CPNE4: variants seen among roughly 807,000 people sequenced by gnomAD.
The protein encoded by CPNE4 is copine-4.
In CPNE4, 25 loss-of-function variants were observed where a neutral mutation model predicts 67.9. The ratio of observed to expected loss-of-function variants is 0.37; its 90% CI spans 0.27 to 0.51. CPNE4 has a LOEUF of 0.51. Ranked by LOEUF, CPNE4 falls within the 20% of genes least tolerant of loss-of-function variation. CPNE4 has a pLI of 0.93. For missense variants in CPNE4, 464 were observed against 690.8 expected, an observed-to-expected ratio of 0.67 and a Z score of 3.68; for synonymous variants, 242 against 244.9, an observed-to-expected ratio of 0.99 and a Z score of 0.11.
chr3:131,535,374 G>T, intron 15 of CPNE4, 45 bp from the exon 16 acceptor site: 1 of 1,575,118 alleles, frequency 6.3e-7, no homozygotes, highest in Non-Finnish European at 8.6e-7. Context: ...TCTGGTCAAG[G>T]AATCAGACTC....
chr3:131,751,536 ATTTTC>A (rs941017378), intron 2 of CPNE4, among the ~76,000 whole-genome samples: 1 of 119,360 alleles, frequency 8.4e-6, no homozygotes, highest in African/African-American at 3.0e-5. Context: ...TTTTCATTTT[ATTTTC>A]TTTTAAGTGT....
intron 2 of CPNE4, among the ~76,000 whole-genome samples, chr3:131,778,499 G>T (rs2083348033): frequency 6.6e-6 from 1 of 152,064 alleles, no homozygotes; most frequent in African/African-American, 2.4e-5. Flanking sequence ...TACCACCACA[G>T]GAAACACATG....
chr3:131,681,688 T>G (rs2080759946), intron 6 of CPNE4, among the ~76,000 whole-genome samples: 1 of 152,196 alleles, frequency 6.6e-6, no homozygotes. Context: ...GGAAGTTCTC[T>G]CTTATTATCC....
At chr3:131,886,609 G>A (rs2087904312) in intron 2 of CPNE4, among the ~76,000 whole-genome samples, 3 of 152,238 alleles carry the variant, frequency 2.0e-5, no homozygotes, top group Non-Finnish European at 4.4e-5. Context: ...GTGCCAGCCT[G>A]TGAAAGCAGC....
intron 7 of CPNE4, among the ~76,000 whole-genome samples, chr3:131,650,675 G>A: frequency 7.2e-6 from 1 of 138,906 alleles, no homozygotes. Flanking sequence ...AACCCGGGAG[G>A]CGGAGCTTGC....
At chr3:131,681,597 A>T (rs926070010) in intron 6 of CPNE4, among the ~76,000 whole-genome samples, 3 of 152,004 alleles carry the variant, frequency 2.0e-5, no homozygotes, top group Non-Finnish European at 4.4e-5. Flanking sequence ...AACTGTCTTG[A>T]AGTCATCTTA....
intron 1 of CPNE4, among the ~76,000 whole-genome samples, chr3:132,002,152 T>G (rs895176622): frequency 6.6e-6 from 1 of 152,150 alleles, no homozygotes; most frequent in African/African-American, 2.4e-5. Flanking sequence ...ATAGCCCCCA[T>G]GTCTGCTTAC....
intron 2 of CPNE4, among the ~76,000 whole-genome samples, chr3:131,830,537 T>C (rs1264313331): frequency 6.6e-6 from 1 of 152,128 alleles, no homozygotes; most frequent in East Asian, 1.9e-4. Flanking sequence ...TGTACTTTCC[T>C]CTACCTACTC....
At chr3:131,941,078 T>C (rs552655682) in intron 1 of CPNE4, among the ~76,000 whole-genome samples, 1 of 152,212 alleles carries the variant, frequency 6.6e-6, no homozygotes, top group African/African-American at 2.4e-5. Flanking sequence ...AATTAATTAT[T>C]TCTTTTTAAT....
At chr3:131,855,065 A>G (rs1434671441) in intron 2 of CPNE4, among the ~76,000 whole-genome samples, 3 of 151,962 alleles carry the variant, frequency 2.0e-5, no homozygotes, top group Non-Finnish European at 2.9e-5. Context: ...GATTCAAGAG[A>G]AAGTATAATA....
intron 1 of CPNE4, among the ~76,000 whole-genome samples, chr3:131,958,427 CTG>C (rs66778131): frequency 0.52 from 78,243 of 151,398 alleles, 21,579 homozygotes; most frequent in Admixed American, 0.67. Flanking sequence ...GATTTGGAAA[CTG>C]TGACTATGGA....
At chr3:131,874,150 G>A (rs1352311838) in intron 2 of CPNE4, among the ~76,000 whole-genome samples, 6 of 150,986 alleles carry the variant, frequency 4.0e-5, no homozygotes, top group Admixed American at 1.3e-4. Context: ...GTGCAGTGGC[G>A]CAATCTCGGC....
chr3:131,829,975 C>T (rs1177281564), intron 2 of CPNE4, among the ~76,000 whole-genome samples: 1 of 152,146 alleles, frequency 6.6e-6, no homozygotes, highest in Non-Finnish European at 1.5e-5. Flanking sequence ...ATGGAAGATT[C>T]TAGCAAGAAG....
chr3:131,748,140 A>C (rs1192594493), intron 2 of CPNE4, among the ~76,000 whole-genome samples: 3 of 152,136 alleles, frequency 2.0e-5, no homozygotes, highest in Non-Finnish European at 4.4e-5. Flanking sequence ...TATTAATGTA[A>C]TATTAACAGG....
intron 2 of CPNE4, among the ~76,000 whole-genome samples, chr3:131,797,535 A>C (rs775858803): frequency 6.6e-6 from 1 of 152,102 alleles, no homozygotes. Flanking sequence ...AAAGGCTAAC[A>C]CTCAGGACAG....
chr3:131,884,071 C>T (rs923975156), intron 2 of CPNE4, among the ~76,000 whole-genome samples: 2 of 152,164 alleles, frequency 1.3e-5, no homozygotes, highest in African/African-American at 4.8e-5. Context: ...CATTGTTTAC[C>T]AATGTGTTAC....
chr3:131,549,243 G>A (rs1936040752), intron 14 of CPNE4, among the ~76,000 whole-genome samples: 2 of 152,064 alleles, frequency 1.3e-5, no homozygotes, highest in African/African-American at 4.8e-5. Flanking sequence ...GAAGATAAGG[G>A]AGTAGTATTT....
rs187190804 is a variant in CPNE4 at position 131,777,345 on chromosome 3, G to A, written c.181-53720C>T. 1.1e-3 allele frequency among the ~76,000 whole-genome samples: 174 copies of A among 151,362 alleles called. No individual in the cohort carries two copies. In the South Asian group the frequency reaches 0.012, roughly 11 times the overall value. On this transcript the variant is annotated intron_variant, in intron 2 of 15. Transcript: ENST00000429747. Reference sequence around the variant, plus strand: ...ATATGTTCAGCTTTGAATTTTTAAGGTGATTTTGAATCAGAGAAAATAGCA... The same window carrying A: ...ATATGTTCAGCTTTGAATTTTTAAGATGATTTTGAATCAGAGAAAATAGCA...
At chr3:131,898,318 T>C (rs1434510454) in intron 2 of CPNE4, among the ~76,000 whole-genome samples, 1 of 152,176 alleles carries the variant, frequency 6.6e-6, no homozygotes, top group East Asian at 1.9e-4. Flanking sequence ...CAAGGTACAC[T>C]ATAAAAACTG....
Sources: allele counts gnomAD v4.1 joint callset (sites outside exome capture counted in the v4.1 genomes callset), GRCh38; gene constraint gnomAD v4.1.1; transcripts MANE v1.5; gene names NCBI Gene and HGNC (gene_info 2026-07-23, HGNC 2026-07-21).